FHIT: variants seen among roughly 807,000 people sequenced by gnomAD.
FHIT encodes the protein bis(5'-adenosyl)-triphosphatase.
FHIT carries 19 observed loss-of-function variants against 17.9 expected under a neutral mutation model. The ratio of observed to expected loss-of-function variants is 1.06; its 90% CI spans 0.74 to 1.56. FHIT has a LOEUF of 1.56. Ranked by LOEUF, FHIT falls within the 40% of genes most tolerant of loss-of-function variation. The pLI is 0.00. For synonymous variants in FHIT, 81 were observed against 69.7 expected (o/e 1.16, Z -0.81); for missense variants, 248 against 189.2 (o/e 1.31, Z -1.82).
intron 3 of FHIT, among the ~76,000 whole-genome samples, chr3:60,880,833 C>T (rs1257179799): frequency 1.3e-5 from 2 of 152,006 alleles, no homozygotes; most frequent in African/African-American, 4.8e-5. Flanking sequence ...CAGAAAATCA[C>T]TAAACCACAA....
At chr3:60,285,825 T>C (rs1654749661) in intron 5 of FHIT, among the ~76,000 whole-genome samples, 3 of 152,234 alleles carry the variant, frequency 2.0e-5, no homozygotes, top group African/African-American at 7.2e-5. Flanking sequence ...TGTGATAATG[T>C]AATACATTCA....
At chr3:60,986,933 G>T (rs1374695187) in intron 3 of FHIT, among the ~76,000 whole-genome samples, 1 of 152,188 alleles carries the variant, frequency 6.6e-6, no homozygotes, top group Non-Finnish European at 1.5e-5. Flanking sequence ...AGTCTACATT[G>T]CTTGGTTCAT....
chr3:60,727,474 G>A (rs2041939763), intron 4 of FHIT, among the ~76,000 whole-genome samples: 1 of 152,204 alleles, frequency 6.6e-6, no homozygotes, highest in Non-Finnish European at 1.5e-5. Flanking sequence ...AGCAGATAGT[G>A]ACTCCACTGT....
chr3:60,715,875 G>C (rs1011386708), intron 4 of FHIT, among the ~76,000 whole-genome samples: 1 of 152,074 alleles, frequency 6.6e-6, no homozygotes, highest in African/African-American at 2.4e-5. Flanking sequence ...ATATAGTTTC[G>C]ACCTTGCAGA....
intron 5 of FHIT, among the ~76,000 whole-genome samples, chr3:60,367,337 G>T (rs1378202514): frequency 1.3e-5 from 2 of 152,136 alleles, no homozygotes; most frequent in East Asian, 3.9e-4. Context: ...ACTCCTCAAA[G>T]TACCTCTAGA....
intron 4 of FHIT, among the ~76,000 whole-genome samples, chr3:60,564,092 T>C (rs1431939821): frequency 6.6e-6 from 1 of 152,140 alleles, no homozygotes; most frequent in Non-Finnish European, 1.5e-5. Context: ...TGACTTTAAG[T>C]TGAAGTCAGT....
intron 2 of FHIT, among the ~76,000 whole-genome samples, chr3:61,169,163 T>C (rs1271026580): frequency 2.6e-5 from 4 of 152,230 alleles, no homozygotes; most frequent in African/African-American, 9.6e-5. Flanking sequence ...TCTAGCCTTG[T>C]ACAATGTCTT....
At chr3:60,838,965 G>A (rs368774458) in intron 3 of FHIT, among the ~76,000 whole-genome samples, 24 of 152,170 alleles carry the variant, frequency 1.6e-4, no homozygotes, top group African/African-American at 3.4e-4. Flanking sequence ...AACCCAGCAC[G>A]AAAGCCCTGA....
intron 4 of FHIT, among the ~76,000 whole-genome samples, chr3:60,703,616 T>A (rs1161532299): frequency 2.0e-5 from 3 of 152,170 alleles, no homozygotes; most frequent in African/African-American, 7.2e-5. Flanking sequence ...AATATCTCAT[T>A]AGTGTTATTT....
chr3:59,975,335 G>A (rs1559512389), intron 7 of FHIT, among the ~76,000 whole-genome samples: 1 of 152,002 alleles, frequency 6.6e-6, no homozygotes, highest in Non-Finnish European at 1.5e-5. Flanking sequence ...TAAACTCTCT[G>A]TGTCCCAAGT....
chr3:60,404,792 T>G, intron 5 of FHIT, among the ~76,000 whole-genome samples: 1 of 152,130 alleles, frequency 6.6e-6, no homozygotes, highest in East Asian at 1.9e-4. Flanking sequence ...AGCTCAGTAT[T>G]GGAGATGTTT....
chr3:60,431,606 C>T (rs2734376), intron 5 of FHIT, among the ~76,000 whole-genome samples: 98,929 of 151,964 alleles, frequency 0.65, 32,744 homozygotes, highest in Non-Finnish European at 0.68. Flanking sequence ...TGGTGAAGGA[C>T]GAAGGCTCAA....
rs868020923 is a variant in FHIT, at chr3:60,549,005, C to A, written c.-17-12026G>T. 1.3e-5 allele frequency among the ~76,000 whole-genome samples: 2 copies of A among 152,254 alleles called. 1 individual carries two copies. The highest frequency in any genetic ancestry group is 4.1e-4 in the South Asian group (2 of 4,826). On this transcript the variant is annotated intron_variant, in intron 4 of 9. Transcript: ENST00000492590. ...CTTTAAATTTGAGAAATGAGTATGA[C>A]AACAGTACCTTCTTCTCAAGGACAC...
intron 5 of FHIT, among the ~76,000 whole-genome samples, chr3:60,260,665 G>A (rs1212169291): frequency 6.6e-6 from 1 of 151,976 alleles, no homozygotes; most frequent in East Asian, 1.9e-4. Context: ...AATAGCGGCT[G>A]GGTAAAATAA....
chr3:60,382,022 A>G (rs1347661224), intron 5 of FHIT, among the ~76,000 whole-genome samples: 1 of 152,250 alleles, frequency 6.6e-6, no homozygotes, highest in Admixed American at 6.5e-5. Flanking sequence ...TTCAGTAGCC[A>G]CATATGGCTT....
At chr3:60,556,998 T>C (rs1024362621) in intron 4 of FHIT, among the ~76,000 whole-genome samples, 1 of 152,210 alleles carries the variant, frequency 6.6e-6, no homozygotes, top group Non-Finnish European at 1.5e-5. Context: ...GGAGAGACCA[T>C]TCCGTTAGAA....
chr3:60,881,523 C>A (rs572805959), intron 3 of FHIT, among the ~76,000 whole-genome samples: 104 of 152,180 alleles, frequency 6.8e-4, no homozygotes, highest in African/African-American at 2.3e-3. Flanking sequence ...AAGGACAGAT[C>A]ACAAAGGCCA....
intron 2 of FHIT, among the ~76,000 whole-genome samples, chr3:61,149,901 G>A (rs1361462245): frequency 6.6e-6 from 1 of 152,022 alleles, no homozygotes; most frequent in African/African-American, 2.4e-5. Flanking sequence ...TGCTAAACTG[G>A]ACAAGATGCA....
chr3:59,760,945 C>T (rs1701482673), intron 8 of FHIT, among the ~76,000 whole-genome samples: 1 of 152,082 alleles, frequency 6.6e-6, no homozygotes, highest in Non-Finnish European at 1.5e-5. Flanking sequence ...TCCTAAAGTG[C>T]CGGGGTTATA....
Sources: allele counts gnomAD v4.1 joint callset (sites outside exome capture counted in the v4.1 genomes callset), GRCh38; gene constraint gnomAD v4.1.1; transcripts MANE v1.5; gene names NCBI Gene and HGNC (gene_info 2026-07-23, HGNC 2026-07-21).